Variants in KCND2 observed in about 807,000 individuals in gnomAD.
KCND2 encodes the protein potassium voltage-gated channel subfamily D member 2, also known as A-type voltage-gated potassium channel KCND2.
A neutral mutation model predicts 54.4 loss-of-function variants in KCND2; 16 were observed. The observed-to-expected ratio is 0.29, with a 90% CI of 0.20 to 0.45. The LOEUF (loss-of-function observed/expected upper bound fraction) is 0.45. Ranked by LOEUF, KCND2 falls within the 20% of genes least tolerant of loss-of-function variation. The pLI, the probability that KCND2 is intolerant of heterozygous loss-of-function variation, is 1.00. For synonymous variants in KCND2, 317 were observed against 310.7 expected (o/e 1.02, Z -0.21); for missense variants, 486 against 824.2 (o/e 0.59, Z 5.02).
chr7:120,523,712 G>GAC (rs1214181711), intron 1 of KCND2, among the ~76,000 whole-genome samples: 3 of 119,454 alleles, frequency 2.5e-5, no homozygotes, highest in African/African-American at 9.5e-5. Context: ...CTCTGTGTGT[G>GAC]TGTGTGTGTG....
Position 120,274,570 on chromosome 7 carries a change from T to G in KCND2, c.-63T>G. ...TTGACTGGAGGAAGTGGGTGACTTT[T>G]GGCTGCTTCGGTGACCCATTGTAGA... On this transcript the variant is annotated 5_prime_UTR_variant, in exon 1 of 6. Transcript: ENST00000331113. 2 of 1,602,600 alleles carry G rather than the reference T, an allele frequency of 1.2e-6. No individual in the cohort carries two copies. Among genetic ancestry groups the G allele is most frequent in the South Asian group, 1.1e-5 (1 of 90,698 alleles).
At chr7:120,670,544 T>A (rs1791978644) in intron 1 of KCND2, among the ~76,000 whole-genome samples, 1 of 152,012 alleles carries the variant, frequency 6.6e-6, no homozygotes, top group South Asian at 2.1e-4. Context: ...GTCTGATTTA[T>A]CACCCTGAGT....
At chr7:120,411,177 TA>T (rs2116108356) in intron 1 of KCND2, among the ~76,000 whole-genome samples, 2 of 152,182 alleles carry the variant, frequency 1.3e-5, no homozygotes, top group South Asian at 4.1e-4. Flanking sequence ...TTGAGTGTTT[TA>T]ATAATTTATC....
chr7:120,376,180 TC>T (rs1342688120), intron 1 of KCND2, among the ~76,000 whole-genome samples: 2 of 151,734 alleles, frequency 1.3e-5, no homozygotes, highest in African/African-American at 4.8e-5. Context: ...CAAAAATAAC[TC>T]CCAGTGACTT....
At chr7:120,551,243 A>G (rs1792101544) in intron 1 of KCND2, among the ~76,000 whole-genome samples, 1 of 152,230 alleles carries the variant, frequency 6.6e-6, no homozygotes, top group African/African-American at 2.4e-5. Context: ...TTCTCTACTT[A>G]AATAAAGTGC....
At chr7:120,507,571 C>G (rs1294332977) in intron 1 of KCND2, among the ~76,000 whole-genome samples, 1 of 151,826 alleles carries the variant, frequency 6.6e-6, no homozygotes, top group African/African-American at 2.4e-5. Context: ...CCTCCTTCGT[C>G]TTGGTTGGAA....
In KCND2 at chr7:120,331,880, C is replaced by A. The variant is rs551004789; in HGVS notation, c.1115+56133C>A. Among the ~76,000 whole-genome samples the A allele has an allele frequency of 1.1e-4, 17 of 151,994 alleles. No homozygotes were observed. The South Asian group carries it at 1.5e-3, about 13-fold the overall frequency. On this transcript the variant is annotated intron_variant, in intron 1 of 5. Transcript: ENST00000331113. ...GACTTTAAAATACCTTCATTTTATC[C>A]CATTATTTCTAGTCATAGGCTCCCC... is the stretch of plus-strand genomic sequence containing the variant.
chr7:120,394,093 G>T (rs1287522264), intron 1 of KCND2, among the ~76,000 whole-genome samples: 1 of 151,924 alleles, frequency 6.6e-6, no homozygotes. Flanking sequence ...GGTTCTTCCT[G>T]CCTGCTGCAT....
intron 1 of KCND2, among the ~76,000 whole-genome samples, chr7:120,489,553 A>G (rs947425524): frequency 2.0e-5 from 3 of 152,144 alleles, no homozygotes; most frequent in Non-Finnish European, 4.4e-5. Flanking sequence ...TTCCTGATGG[A>G]TCCTCCAACT....
chr7:120,621,642 C>G (rs1793100423), intron 1 of KCND2, among the ~76,000 whole-genome samples: 1 of 152,108 alleles, frequency 6.6e-6, no homozygotes. Flanking sequence ...TATTAAATAT[C>G]TGATTTTTTA....
intron 1 of KCND2, among the ~76,000 whole-genome samples, chr7:120,537,644 G>A (rs1342612885): frequency 3.3e-5 from 5 of 152,164 alleles, no homozygotes. Flanking sequence ...AGCAAGATCT[G>A]GAAAACGTGT....
intron 1 of KCND2, among the ~76,000 whole-genome samples, chr7:120,440,715 G>A (rs1166396148): frequency 6.6e-6 from 1 of 151,940 alleles, no homozygotes; most frequent in East Asian, 1.9e-4. Context: ...TGGATATCCA[G>A]TTTTCCAAGC....
At chr7:120,692,732 T>C (rs1347447707) in intron 1 of KCND2, among the ~76,000 whole-genome samples, 1 of 152,230 alleles carries the variant, frequency 6.6e-6, no homozygotes, top group Non-Finnish European at 1.5e-5. Flanking sequence ...ATGGGGACTT[T>C]GAGTTCTCTA....
chr7:120,287,134 G>A (rs1799357470), intron 1 of KCND2, among the ~76,000 whole-genome samples: 3 of 152,076 alleles, frequency 2.0e-5, no homozygotes, highest in Non-Finnish European at 4.4e-5. Flanking sequence ...AAGTGTGGCT[G>A]CACCAGTAGT....
In KCND2 at chr7:120,633,592, C is replaced by G. The variant is rs763790614; in HGVS notation, c.1116-99311C>G. Among the ~76,000 whole-genome samples, 10 of 152,152 alleles carry G rather than the reference C, an allele frequency of 6.6e-5. 1 individual carries two copies. The highest frequency in any genetic ancestry group is 7.4e-5 in the Non-Finnish European group (5 of 68,024). On this transcript the variant is annotated intron_variant, in intron 1 of 5. Transcript: ENST00000331113. Reference sequence around the variant, plus strand: ...AAGATTATCTTATATAACTCTCCCCCCAAAACCTGTGGTTGTTAATATTCC... The same window carrying G: ...AAGATTATCTTATATAACTCTCCCCGCAAAACCTGTGGTTGTTAATATTCC...
At chr7:120,507,146 C>G (rs1469418721) in intron 1 of KCND2, among the ~76,000 whole-genome samples, 2 of 151,846 alleles carry the variant, frequency 1.3e-5, no homozygotes, top group African/African-American at 4.8e-5. Flanking sequence ...CTCTTTTAAT[C>G]AATATATTAA....
chr7:120,642,799 G>T (rs916134614), intron 1 of KCND2, among the ~76,000 whole-genome samples: 3 of 152,110 alleles, frequency 2.0e-5, no homozygotes, highest in Non-Finnish European at 2.9e-5. Context: ...AGACATTGCA[G>T]ATTAAAAAGC....
intron 1 of KCND2, among the ~76,000 whole-genome samples, chr7:120,595,460 A>T (rs201298847): frequency 0.019 from 2,154 of 112,938 alleles, 40 homozygotes; most frequent in East Asian, 0.08. Flanking sequence ...CCAAAAAAAA[A>T]ATATATATAT....
chr7:120,714,209 G>A (rs1025675971), intron 1 of KCND2, among the ~76,000 whole-genome samples: 1 of 151,956 alleles, frequency 6.6e-6, no homozygotes, highest in Non-Finnish European at 1.5e-5. Flanking sequence ...ATCTTTTTAT[G>A]TGCTTCCATT....
Sources: allele counts gnomAD v4.1 joint callset (sites outside exome capture counted in the v4.1 genomes callset), GRCh38; gene constraint gnomAD v4.1.1; transcripts MANE v1.5; gene names NCBI Gene and HGNC (gene_info 2026-07-23, HGNC 2026-07-21).